Variants in GRK5 observed in about 807,000 individuals in gnomAD.
GRK5 encodes g protein-coupled receptor kinase GRK5.
Under a neutral mutation model 78.4 loss-of-function variants are expected in GRK5, and 40 were observed. That is an observed-to-expected ratio of 0.51 (90% confidence interval 0.40 to 0.66). The LOEUF is 0.66. GRK5 is among the 30% of genes least tolerant of loss of function. The pLI is 0.00. For synonymous variants in GRK5, 289 were observed against 296.8 expected, an observed-to-expected ratio of 0.97 and a Z score of 0.27; for missense variants, 598 against 759.9, an observed-to-expected ratio of 0.79 and a Z score of 2.50.
chr10:119,451,999 A>G (rs1853296865), intron 13 of GRK5, among the ~76,000 whole-genome samples: 1 of 152,272 alleles, frequency 6.6e-6, no homozygotes, highest in Non-Finnish European at 1.5e-5. Flanking sequence ...GCCTCCCCAC[A>G]CCAACCTTGA....
At chr10:119,212,137 G>A (rs77665146) in intron 1 of GRK5, among the ~76,000 whole-genome samples, 3 of 151,862 alleles carry the variant, frequency 2.0e-5, no homozygotes, top group African/African-American at 7.3e-5. Flanking sequence ...ACACAATGCC[G>A]TTAAATCAAA....
chr10:119,361,143 G>A (rs1254701057), intron 2 of GRK5, among the ~76,000 whole-genome samples: 1 of 152,230 alleles, frequency 6.6e-6, no homozygotes, highest in African/African-American at 2.4e-5. Flanking sequence ...AACTGGCTGT[G>A]CCCTGGTTTT....
At chr10:119,209,550 G>A (rs1848451347) in intron 1 of GRK5, among the ~76,000 whole-genome samples, 1 of 143,254 alleles carries the variant, frequency 7.0e-6, no homozygotes. Flanking sequence ...GGATCTAGGT[G>A]GGTGCTGGTA....
Position 119,267,139 on chromosome 10 carries a change from A to T in GRK5, c.52+59170A>T, listed in dbSNP as rs1849511115. Among the ~76,000 whole-genome samples, 1 of 152,004 alleles carries T rather than the reference A, an allele frequency of 6.6e-6. No homozygotes were observed. Among genetic ancestry groups the T allele is most frequent in the African/African-American group, 2.4e-5 (1 of 41,376 alleles). ...GCGCCTGTAATCTCAGCTACTCAGGATGCTGAGGAAGGAGAATTGCTTGAA... is the reference window on the plus strand; with the variant it reads ...GCGCCTGTAATCTCAGCTACTCAGGTTGCTGAGGAAGGAGAATTGCTTGAA... On this transcript the variant is annotated intron_variant, in intron 1 of 15. Transcript: ENST00000392870. The surrounding 1 kb of genome is among the most constrained non-coding windows in gnomAD (Gnocchi z 4.1).
At chr10:119,244,908 T>C (rs1156729010) in intron 1 of GRK5, among the ~76,000 whole-genome samples, 1 of 152,062 alleles carries the variant, frequency 6.6e-6, no homozygotes, top group African/African-American at 2.4e-5. Flanking sequence ...CTATGGAAAA[T>C]AGTATGGAGG....
chr10:119,263,477 C>T (rs1317619633), intron 1 of GRK5, among the ~76,000 whole-genome samples: 2 of 152,172 alleles, frequency 1.3e-5, no homozygotes, highest in African/African-American at 4.8e-5. Flanking sequence ...GTTATACAGG[C>T]CCATCAGCTT....
intron 1 of GRK5, among the ~76,000 whole-genome samples, chr10:119,231,368 A>G (rs1402024154): frequency 1.3e-5 from 2 of 152,126 alleles, no homozygotes; most frequent in Non-Finnish European, 2.9e-5. Flanking sequence ...AAAAATTAAA[A>G]AACATCTAAA....
At chr10:119,242,878 G>A (rs1849049031) in intron 1 of GRK5, among the ~76,000 whole-genome samples, 1 of 151,856 alleles carries the variant, frequency 6.6e-6, no homozygotes, top group Non-Finnish European at 1.5e-5. Context: ...ATGCTGAACT[G>A]TGAGTCAATT....
chr10:119,235,263 C>A (rs1308096191), intron 1 of GRK5, among the ~76,000 whole-genome samples: 4 of 151,058 alleles, frequency 2.6e-5, no homozygotes, highest in African/African-American at 9.8e-5. Context: ...TAGATTTATA[C>A]TAGGGAAACA....
intron 1 of GRK5, among the ~76,000 whole-genome samples, chr10:119,246,730 A>T (rs1014737010): frequency 2.6e-5 from 4 of 152,200 alleles, no homozygotes; most frequent in South Asian, 2.1e-4. Flanking sequence ...CGAATTTGGG[A>T]TTAGCATGGC....
chr10:119,240,126 T>G (rs11198838), intron 1 of GRK5, among the ~76,000 whole-genome samples: 9,746 of 151,558 alleles, frequency 0.064, 351 homozygotes, highest in South Asian at 0.095. Flanking sequence ...CTAATTTACA[T>G]TCCCACCAAC....
chr10:119,439,796 G>A, intron 10 of GRK5, 28 bp downstream of exon 10: 2 of 1,610,528 alleles, frequency 1.2e-6, no homozygotes, highest in African/African-American at 1.3e-5. Flanking sequence ...CGGTAGCTGA[G>A]GTGAGCATTG....
In GRK5 at chr10:119,232,494, T is replaced by C. The variant is rs1212983561; in HGVS notation, c.52+24525T>C. Reference sequence around the variant, plus strand: ...GGATATTGAATGTTCCTAACTGATATGGTTTGGCTGTGTTCCCACCCACAT... The same window carrying C: ...GGATATTGAATGTTCCTAACTGATACGGTTTGGCTGTGTTCCCACCCACAT... On this transcript the variant is annotated intron_variant, in intron 1 of 15. Coordinates refer to ENST00000392870, the MANE Select transcript of GRK5 (RefSeq NM_005308.3). Among the ~76,000 whole-genome samples the C allele has an allele frequency of 7.2e-5, 11 of 152,320 alleles. No homozygotes were observed. The South Asian group carries it at 1.2e-3, about 17-fold the overall frequency.
intron 2 of GRK5, among the ~76,000 whole-genome samples, chr10:119,366,130 CT>C (rs1851445408): frequency 6.6e-6 from 1 of 152,018 alleles, no homozygotes; most frequent in African/African-American, 2.4e-5. Context: ...CAGGAATGTG[CT>C]GTGAAATGCA....
intron 1 of GRK5, among the ~76,000 whole-genome samples, chr10:119,286,016 G>T (rs1372760049): frequency 6.7e-6 from 1 of 148,638 alleles, no homozygotes; most frequent in East Asian, 1.9e-4. Context: ...AATCCAGGGG[G>T]TTATTCTTTC....
intron 1 of GRK5, among the ~76,000 whole-genome samples, chr10:119,279,938 T>C (rs1017807276): frequency 6.6e-6 from 1 of 152,184 alleles, no homozygotes; most frequent in Non-Finnish European, 1.5e-5. Context: ...GCATGATGCC[T>C]ACAACCTGGC....
At chr10:119,212,155 TC>T (rs1848498196) in intron 1 of GRK5, among the ~76,000 whole-genome samples, 1 of 151,790 alleles carries the variant, frequency 6.6e-6, no homozygotes, top group African/African-American at 2.4e-5. Context: ...AAACTGCCTT[TC>T]TTTTTTTTTT....
At chr10:119,413,159 G>C (rs1019002360) in intron 4 of GRK5, among the ~76,000 whole-genome samples, 3 of 151,980 alleles carry the variant, frequency 2.0e-5, no homozygotes, top group African/African-American at 7.3e-5. Flanking sequence ...CGGTACCTAG[G>C]CTGGGAACCC....
intron 2 of GRK5, among the ~76,000 whole-genome samples, chr10:119,339,188 T>C (rs1477784585): frequency 1.3e-5 from 2 of 152,136 alleles, no homozygotes; most frequent in African/African-American, 4.8e-5. Context: ...AGTCAGCAGG[T>C]GTGAGAAGGA....
Sources: allele counts gnomAD v4.1 joint callset (sites outside exome capture counted in the v4.1 genomes callset), GRCh38; gene constraint gnomAD v4.1.1; non-coding constraint Gnocchi (gnomAD v3.1); transcripts MANE v1.5; gene names NCBI Gene and HGNC (gene_info 2026-07-23, HGNC 2026-07-21).